RBFOX3: variants seen among roughly 807,000 people sequenced by gnomAD.
RBFOX3 encodes the protein RNA binding fox-1 homolog 3, also known as RNA binding protein fox-1 homolog 3.
A neutral mutation model predicts 48.7 loss-of-function variants in RBFOX3; 17 were observed. The observed-to-expected ratio is 0.35, with a 90% CI of 0.24 to 0.52. The LOEUF is 0.52. RBFOX3 is among the 20% of genes least tolerant of loss of function. The probability of loss-of-function intolerance (pLI) is 0.94; values close to 1 mark genes in which losing one functional copy is unlikely to be tolerated. For missense variants in RBFOX3, 382 were observed against 497.5 expected (o/e 0.77, Z 2.21); for synonymous variants, 212 against 209.5 (o/e 1.01, Z -0.10).
intron 2 of RBFOX3, among the ~76,000 whole-genome samples, chr17:79,402,056 G>T (rs185270733): frequency 6.6e-6 from 1 of 152,332 alleles, no homozygotes; most frequent in African/African-American, 2.4e-5. Context: ...GGGACAATCT[G>T]TGGCCCACCA....
At chr17:79,367,568 T>G (rs979248412) in intron 2 of RBFOX3, among the ~76,000 whole-genome samples, 20 of 152,084 alleles carry the variant, frequency 1.3e-4, no homozygotes, top group African/African-American at 4.8e-4. Flanking sequence ...AAGAGTCCGC[T>G]TTCCCTGGTT....
intron 1 of RBFOX3, among the ~76,000 whole-genome samples, chr17:79,588,702 C>A (rs2093328517): frequency 6.6e-6 from 1 of 151,944 alleles, no homozygotes; most frequent in South Asian, 2.1e-4. Context: ...CCATCCTGAG[C>A]TTGGACCTCG....
chr17:79,647,359 G>A, the RBFOX3 span, among the ~76,000 whole-genome samples: 10 of 152,092 alleles, frequency 6.6e-5, no homozygotes, highest in Admixed American at 3.3e-4. Context: ...ACCCTCCTCT[G>A]CCTCAACGCA....
chr17:79,270,048 T>G (rs1213206035), intron 3 of RBFOX3, among the ~76,000 whole-genome samples: 1 of 152,058 alleles, frequency 6.6e-6, no homozygotes, highest in Non-Finnish European at 1.5e-5. Flanking sequence ...CCTCTGCGAA[T>G]CACTCCCTTC....
At chr17:79,564,505 C>T (rs1239178959) in intron 1 of RBFOX3, among the ~76,000 whole-genome samples, 3 of 152,160 alleles carry the variant, frequency 2.0e-5, no homozygotes, top group African/African-American at 7.2e-5. Flanking sequence ...CTTAGCAGAA[C>T]GGTGCTGGAG....
chr17:79,486,785 T>C (rs1234826103), intron 1 of RBFOX3, among the ~76,000 whole-genome samples: 1 of 152,032 alleles, frequency 6.6e-6, no homozygotes, highest in African/African-American at 2.4e-5. Context: ...GGGGCCTCAG[T>C]CTCAGAGAAG....
intron 4 of RBFOX3, among the ~76,000 whole-genome samples, chr17:79,225,393 C>T (rs113448704): frequency 0.1 from 15,094 of 151,200 alleles, 1,131 homozygotes; most frequent in African/African-American, 0.21. Flanking sequence ...CGGGTTCAAG[C>T]GATTCTCATG....
rs146107980 is a variant in RBFOX3 at position 79,186,875 on chromosome 17, T to C, written c.-34+48891A>G. On this transcript the variant is annotated intron_variant, in intron 4 of 14. Coordinates refer to ENST00000693108, the MANE Select transcript of RBFOX3 (RefSeq NM_001350451.2). The stretch of plus-strand genomic sequence containing the variant: ...CTGGCTCCTTCCTGCCCCCATCCTA[T>C]GTCACCTTCCCTGGCAGGGGCCTTG... Among the ~76,000 whole-genome samples, 84 of 152,266 alleles carry C rather than the reference T, an allele frequency of 5.5e-4. 1 individual carries two copies. Among genetic ancestry groups the C allele is most frequent in the African/African-American group, 1.9e-3 (80 of 41,560 alleles).
intron 4 of RBFOX3, among the ~76,000 whole-genome samples, chr17:79,116,683 G>A (rs914226563): frequency 1.3e-5 from 2 of 152,242 alleles, no homozygotes; most frequent in Non-Finnish European, 2.9e-5. Flanking sequence ...GGGGGGCAGG[G>A]AGGGTTCCAG....
upstream of RBFOX3, among the ~76,000 whole-genome samples, chr17:79,611,191 CT>C (rs2093966087): frequency 7.9e-6 from 1 of 126,346 alleles, no homozygotes; most frequent in African/African-American, 2.9e-5. Flanking sequence ...CCTTCTCTCT[CT>C]CTCTCTCTCT....
intron 2 of RBFOX3, among the ~76,000 whole-genome samples, chr17:79,310,809 G>A (rs950103656): frequency 9.9e-5 from 15 of 152,262 alleles, no homozygotes; most frequent in African/African-American, 3.4e-4. Context: ...AAACATTGCT[G>A]TTTCCAGGAG....
chr17:79,505,827 T>C (rs2083035963), intron 1 of RBFOX3, among the ~76,000 whole-genome samples: 1 of 152,246 alleles, frequency 6.6e-6, no homozygotes, highest in Non-Finnish European at 1.5e-5. Context: ...CTTGATGCTG[T>C]AAACACTAGG....
At chr17:79,141,949 A>G (rs1268990132) in intron 4 of RBFOX3, among the ~76,000 whole-genome samples, 1 of 152,224 alleles carries the variant, frequency 6.6e-6, no homozygotes, top group Non-Finnish European at 1.5e-5. Context: ...GCACACAGGT[A>G]GGAAAGCAAA....
At chr17:79,415,411 G>A (rs1421819892) in intron 2 of RBFOX3, among the ~76,000 whole-genome samples, 2 of 152,226 alleles carry the variant, frequency 1.3e-5, no homozygotes, top group African/African-American at 4.8e-5. Context: ...GGAGAAGGGG[G>A]CACTGTGCAC....
intron 12 of RBFOX3, 23 bp downstream of exon 12, chr17:79,096,630 C>A: frequency 6.7e-7 from 1 of 1,503,728 alleles, no homozygotes; most frequent in Non-Finnish European, 9.1e-7. Context: ...TCCCACCCTC[C>A]CTCCCGGCGG....
chr17:79,489,381 A>C (rs1017477909), intron 1 of RBFOX3, among the ~76,000 whole-genome samples: 1 of 151,932 alleles, frequency 6.6e-6, no homozygotes, highest in African/African-American at 2.4e-5. Context: ...TGCAGCCTCC[A>C]CCGCCCAGGC....
intron 2 of RBFOX3, among the ~76,000 whole-genome samples, chr17:79,356,832 TAC>T (rs1478854186): frequency 2.0e-5 from 3 of 152,174 alleles, no homozygotes; most frequent in African/African-American, 7.2e-5. Flanking sequence ...ACCTTGCAGT[TAC>T]AAAGGTGTCA....
chr17:79,621,126 G>C, the RBFOX3 span, among the ~76,000 whole-genome samples: 19 of 151,936 alleles, frequency 1.3e-4, no homozygotes, highest in Middle Eastern at 3.4e-3. Context: ...AGCCTCCCAA[G>C]TAGCTGGGAC....
chr17:79,452,432 T>A (rs2073704764), intron 2 of RBFOX3, among the ~76,000 whole-genome samples: 1 of 152,192 alleles, frequency 6.6e-6, no homozygotes, highest in African/African-American at 2.4e-5. Flanking sequence ...TCCACTGTCT[T>A]GGGACAGATG....
Sources: allele counts gnomAD v4.1 joint callset (sites outside exome capture counted in the v4.1 genomes callset), GRCh38; gene constraint gnomAD v4.1.1; transcripts MANE v1.5; gene names NCBI Gene and HGNC (gene_info 2026-07-23, HGNC 2026-07-21).